Variants in MYLK observed in about 807,000 individuals in gnomAD.
MYLK encodes the protein myosin light chain kinase, smooth muscle.
In MYLK, 106 loss-of-function variants were observed where a neutral mutation model predicts 203.4. That is an observed-to-expected ratio of 0.52 (90% CI 0.45 to 0.61). The LOEUF is 0.61. MYLK is among the 20% of genes least tolerant of loss of function. The probability of loss-of-function intolerance (pLI) is 0.00; values close to 1 mark genes in which losing one functional copy is unlikely to be tolerated. For missense variants in MYLK, 2,072 were observed against 2,442.3 expected, an observed-to-expected ratio of 0.85 and a Z score of 3.20; for synonymous variants, 867 against 959.5, an observed-to-expected ratio of 0.90 and a Z score of 1.78.
At chr3:123,747,734 G>A (rs922483124) in intron 5 of MYLK, among the ~76,000 whole-genome samples, 5 of 152,200 alleles carry the variant, frequency 3.3e-5, no homozygotes, top group African/African-American at 1.2e-4. Context: ...AATCCTGTAA[G>A]GTGGGTGATC....
At chr3:123,729,990 G>C (rs1240603792) in intron 11 of MYLK, among the ~76,000 whole-genome samples, 2 of 151,932 alleles carry the variant, frequency 1.3e-5, no homozygotes, top group African/African-American at 4.8e-5. Context: ...GCTTTGGGAG[G>C]TTGAAGTGGG....
intron 3 of MYLK, among the ~76,000 whole-genome samples, chr3:123,827,749 A>G (rs1374431827): frequency 9.7e-6 from 1 of 103,560 alleles, no homozygotes; most frequent in African/African-American, 3.5e-5. Context: ...ATATATATAT[A>G]AAGACTCTAC....
In MYLK at chr3:123,707,897, A is replaced by G; in HGVS notation, c.2247T>C (p.Phe749=). The G allele has an allele frequency of 1.9e-6, 3 of 1,614,196 alleles. No homozygotes were observed. The highest frequency in any genetic ancestry group is 2.5e-6 in the Non-Finnish European group (3 of 1,180,038). Residue 749 remains phenylalanine, a synonymous_variant, in exon 16 of 34, where the codon TTT becomes TTC. Transcript: ENST00000360304. ...CATCTCTGAGCCAGTGCACGGTAGG[A>G]AAGGGGTCACCAGCTATGGCGCAGG... The part of the protein sequence containing the change: ...LISCAIAGDP[F]PTVHWLRDGK...
intron 13 of MYLK, among the ~76,000 whole-genome samples, chr3:123,715,376 A>G (rs1450422423): frequency 6.6e-6 from 1 of 152,218 alleles, no homozygotes; most frequent in Non-Finnish European, 1.5e-5. Flanking sequence ...CTTCATCTGT[A>G]AAGTGAATTC....
chr3:123,870,972 A>C (rs1404193183), intron 2 of MYLK, among the ~76,000 whole-genome samples: 1 of 152,160 alleles, frequency 6.6e-6, no homozygotes, highest in Non-Finnish European at 1.5e-5. Flanking sequence ...TGGGAGGCAG[A>C]TGAGCATTAG....
Position 123,874,280 on chromosome 3 carries a change from G to A in MYLK, c.-127+2279C>T, listed in dbSNP as rs2033010762. Among the ~76,000 whole-genome samples the A allele has an allele frequency of 2.0e-5, 3 of 152,230 alleles. No homozygotes were observed. In the South Asian group the frequency reaches 6.2e-4, roughly 32 times the overall value. On this transcript the variant is annotated intron_variant, in intron 2 of 33. Transcript: ENST00000360304. ...AAGCTACAATAATCAATACAGTGTG[G>A]TATTGTTGAAAGAATAAACACATAA...
intron 2 of MYLK, among the ~76,000 whole-genome samples, chr3:123,839,412 T>G (rs1241051895): frequency 2.0e-5 from 3 of 152,126 alleles, no homozygotes; most frequent in Non-Finnish European, 2.9e-5. Context: ...AATGGCTATA[T>G]TAATATCAAA....
chr3:123,846,170 T>C (rs183807092), intron 2 of MYLK, among the ~76,000 whole-genome samples: 1 of 152,348 alleles, frequency 6.6e-6, no homozygotes, highest in East Asian at 1.9e-4. Context: ...GATACATTTG[T>C]GTCTCTTTGG....
intron 20 of MYLK, among the ~76,000 whole-genome samples, chr3:123,672,458 T>A (rs892579447): frequency 6.6e-6 from 1 of 152,138 alleles, no homozygotes; most frequent in Non-Finnish European, 1.5e-5. Flanking sequence ...CCTAGAAGAC[T>A]AATATAGCTG....
In MYLK at chr3:123,722,527, G is replaced by T. The variant is rs1470648181; in HGVS notation, c.1652-247C>A. ...ATTGTGTGGTGGAGGAGGAAGACGG[G>T]GCCTAGAGGGATGGGGGAGGGAGAA... is the stretch of plus-strand genomic sequence containing the variant. On this transcript the variant is annotated intron_variant, in intron 12 of 33. Coordinates refer to ENST00000360304, the MANE Select transcript of MYLK (RefSeq NM_053025.4). Among the ~76,000 whole-genome samples the T allele has an allele frequency of 3.3e-5, 5 of 152,318 alleles. No homozygotes were observed. The East Asian group carries it at 5.8e-4, about 18-fold the overall frequency.
At position 123,725,986 on chromosome 3, in the gene MYLK, C is replaced by T. The variant is rs199988497; in HGVS notation, c.1609G>A (p.Val537Ile). ...ATCCGGGGCACTGGGGTCCCCCGTA[C>T]GGAGCACTGCAGCACAAAATCCTGG... ...EGQDFVLQCSVRGTPVPRITW... is the reference protein window; with the variant it reads ...EGQDFVLQCSIRGTPVPRITW... The change falls in exon 12 of 34, where the codon GTA becomes ATA. Residue 537 changes from valine to isoleucine, a missense_variant. This residue lies in a region of MYLK where 865 missense variants were observed against 1,016.0 expected (regional missense o/e 0.85). Transcript: ENST00000360304. 437 of 1,614,034 alleles carry T rather than the reference C, an allele frequency of 2.7e-4. 1 individual carries two copies. Among genetic ancestry groups the T allele is most frequent in the Middle Eastern group, 4.9e-4 (3 of 6,082 alleles).
intron 4 of MYLK, among the ~76,000 whole-genome samples, chr3:123,785,375 C>A (rs530601008): frequency 2.6e-5 from 4 of 152,216 alleles, no homozygotes; most frequent in African/African-American, 9.7e-5. Flanking sequence ...TCTCATACTG[C>A]TGCTTTCCCT....
intron 3 of MYLK, among the ~76,000 whole-genome samples, chr3:123,813,527 T>C (rs1034818195): frequency 2.0e-5 from 3 of 152,066 alleles, no homozygotes; most frequent in East Asian, 3.8e-4. Flanking sequence ...TTTTTTTTTT[T>C]TGAGATGGAG....
chr3:123,831,316 C>G, intron 3 of MYLK: 1 of 1,218,560 alleles, frequency 8.2e-7, no homozygotes, highest in Non-Finnish European at 1.1e-6. Flanking sequence ...TGATTTCCAC[C>G]ACCTTCGCCA....
chr3:123,839,603 A>G (rs1022636605), intron 2 of MYLK, among the ~76,000 whole-genome samples: 2 of 152,220 alleles, frequency 1.3e-5, no homozygotes, highest in Non-Finnish European at 2.9e-5. Flanking sequence ...AAAATCCGCA[A>G]TTGTAGTTAG....
At chr3:123,735,978 T>C (rs1260412217) in intron 8 of MYLK, among the ~76,000 whole-genome samples, 1 of 152,222 alleles carries the variant, frequency 6.6e-6, no homozygotes, top group Non-Finnish European at 1.5e-5. Context: ...TTTATTTGTT[T>C]TTGAGTATTT....
chr3:123,804,649 C>T (rs1012021661), intron 3 of MYLK, among the ~76,000 whole-genome samples: 2 of 152,144 alleles, frequency 1.3e-5, no homozygotes, highest in African/African-American at 4.8e-5. Flanking sequence ...TCTTAAGGGA[C>T]AAGCCCAGAG....
chr3:123,750,512 A>C (rs2063160320), intron 5 of MYLK, among the ~76,000 whole-genome samples: 1 of 152,198 alleles, frequency 6.6e-6, no homozygotes, highest in Non-Finnish European at 1.5e-5. Flanking sequence ...CTGTATTCCT[A>C]ACAGACTCCA....
intron 3 of MYLK, among the ~76,000 whole-genome samples, chr3:123,820,664 CTCCT>C (rs1338808453): frequency 1.8e-3 from 131 of 72,318 alleles, no homozygotes; most frequent in South Asian, 3.8e-3. Flanking sequence ...CCTTCCTTCC[CTCCT>C]TCCTTCCTTC....
Sources: allele counts gnomAD v4.1 joint callset (sites outside exome capture counted in the v4.1 genomes callset), GRCh38; gene constraint gnomAD v4.1.1; regional missense constraint gnomAD v4.1.1; transcripts MANE v1.5; gene names NCBI Gene and HGNC (gene_info 2026-07-23, HGNC 2026-07-21).